Variants in PIK3CG observed in about 807,000 individuals in gnomAD.
PIK3CG encodes the protein phosphatidylinositol-4,5-bisphosphate 3-kinase catalytic subunit gamma, also known as phosphatidylinositol 4,5-bisphosphate 3-kinase catalytic subunit gamma isoform.
Under a neutral mutation model 102.3 loss-of-function variants are expected in PIK3CG, and 55 were observed. That is an observed-to-expected ratio of 0.54 (90% CI 0.43 to 0.67). The LOEUF is 0.67. Ranked by LOEUF, PIK3CG falls within the 30% of genes least tolerant of loss-of-function variation. The pLI is 0.00. For missense variants in PIK3CG, 1,258 were observed against 1,391.8 expected (o/e 0.90, Z 1.53); for synonymous variants, 552 against 540.0 (o/e 1.02, Z -0.31).
In PIK3CG at chr7:106,902,214, C is replaced by G. The variant is rs1791575677; in HGVS notation, c.3031-2895C>G. 1.3e-5 allele frequency among the ~76,000 whole-genome samples: 2 copies of G among 151,370 alleles called. No homozygotes were observed. Among genetic ancestry groups the G allele is most frequent in the South Asian group, 4.2e-4 (2 of 4,764 alleles). ...GTGCAAGCAGCCCAGGATGGAGAGT[C>G]TGTGCTGTGGGCCCAAGCCAGGGGT... On this transcript the variant is annotated intron_variant, in intron 10 of 10. Transcript: ENST00000496166. The surrounding 1 kb of genome is among the most constrained non-coding windows in gnomAD (Gnocchi z 4.3).
Position 106,867,443 on chromosome 7 carries a change from C to T in PIK3CG, c.-12-107C>T. 3.0e-6 allele frequency: 3 copies of T among 1,006,100 alleles called. No individual in the cohort carries two copies. The highest frequency in any genetic ancestry group is 4.4e-6 in the Non-Finnish European group (3 of 675,198). 62.3% of individuals were successfully genotyped at this position (1,006,100 alleles called of 1,614,324 possible). ...TTAAAATACTTGGTCCCTCTGGGTC[C>T]CTGTGCACATGTACGCCGCCTATAC... On this transcript the variant is annotated intron_variant, in intron 1 of 10. Coordinates refer to ENST00000496166, the MANE Select transcript of PIK3CG (RefSeq NM_001282426.2). The surrounding 1 kb of genome is among the most constrained non-coding windows in gnomAD (Gnocchi z 5.1).
chr7:106,902,945 A>C lies in PIK3CG; in HGVS notation c.3031-2164A>C, dbSNP rs1312653566. On this transcript the variant is annotated intron_variant, in intron 10 of 10. Coordinates refer to ENST00000496166, the MANE Select transcript of PIK3CG (RefSeq NM_001282426.2). The surrounding 1 kb of genome is among the most constrained non-coding windows in gnomAD (Gnocchi z 4.3). Reference sequence around the variant, plus strand: ...GATTATTTAAATGTTTTCCCTTTTTAAATTTAATTCATCTGGAATTTATTT... The same window carrying C: ...GATTATTTAAATGTTTTCCCTTTTTCAATTTAATTCATCTGGAATTTATTT... 6.6e-6 allele frequency among the ~76,000 whole-genome samples: 1 copy of C among 152,112 alleles called. No individual in the cohort carries two copies. The highest frequency in any genetic ancestry group is 1.9e-4 in the East Asian group (1 of 5,202).
intron 10 of PIK3CG, among the ~76,000 whole-genome samples, chr7:106,889,886 C>A (rs961602683): frequency 6.6e-6 from 1 of 152,168 alleles, no homozygotes; most frequent in Non-Finnish European, 1.5e-5. Flanking sequence ...CAAGGCCCAG[C>A]GTTTGAACCC....
Position 106,908,420 on chromosome 7 carries a change from G to C in PIK3CG, c.*3033G>C, listed in dbSNP as rs780887852. 1.3e-5 allele frequency among the ~76,000 whole-genome samples: 2 copies of C among 152,068 alleles called. No homozygotes were observed. On this transcript the variant is annotated 3_prime_UTR_variant, in exon 11 of 11. Transcript: ENST00000496166. This position sits in a 1 kb window ranked among gnomAD's most constrained non-coding sequence, Gnocchi z 4.1. ...CAAATCGAAATACCTCATCTCTATG[G>C]CTCTATGGCTGTACATTAGGACCTA...
At position 106,867,706 on chromosome 7, in the gene PIK3CG, C is replaced by A. The variant is rs774060880; in HGVS notation, c.145C>A (p.Arg49Ser). Residue 49 changes from arginine to serine, a missense_variant, in exon 2 of 11, where the codon CGC becomes AGC. Physicochemically the swap from Arg to Ser is moderately radical, Grantham distance 110 (BLOSUM62 -1). This residue lies in a region of PIK3CG where 832 missense variants were observed against 787.5 expected (regional missense o/e 1.06). Coordinates refer to ENST00000496166, the MANE Select transcript of PIK3CG (RefSeq NM_001282426.2). This position sits in a 1 kb window ranked among gnomAD's most constrained non-coding sequence, Gnocchi z 5.1. ...PIEFVLPTSQ[R>S]KCKSPETALL... Reference sequence around the variant, plus strand: ...CGAGTTCGTGCTGCCCACCAGCCAGCGCAAATGCAAGAGCCCCGAAACGGC... The same window carrying A: ...CGAGTTCGTGCTGCCCACCAGCCAGAGCAAATGCAAGAGCCCCGAAACGGC... 2.0e-5 allele frequency: 32 copies of A among 1,613,090 alleles called. No individual in the cohort carries two copies. The Middle Eastern group carries it at 2.5e-3, about 124-fold the overall frequency.
rs978569173 is a variant in PIK3CG at position 106,908,306 on chromosome 7, A to T, written c.*2919A>T. Among the ~76,000 whole-genome samples the T allele has an allele frequency of 3.3e-5, 5 of 152,180 alleles. No individual in the cohort carries two copies. Among genetic ancestry groups the T allele is most frequent in the African/African-American group, 1.2e-4 (5 of 41,440 alleles). ...GACCAGCACTGTGTGGGTCTGAATG[A>T]TGGCTTTGGTGTTCAGTTTAGCACA... On this transcript the variant is annotated 3_prime_UTR_variant, in exon 11 of 11. Transcript: ENST00000496166. The surrounding 1 kb of genome is among the most constrained non-coding windows in gnomAD (Gnocchi z 4.1).
chr7:106,867,929 G>A lies in PIK3CG; in HGVS notation c.368G>A (p.Arg123His), dbSNP rs200423506. The stretch of plus-strand genomic sequence containing the variant: ...GTGGTGCAGACTCTGGACTGCCTGC[G>A]CTACTGGAAGGCCACGCACCGGAGC... ...YQVVQTLDCL[R>H]YWKATHRSPG... The change falls in exon 2 of 11, where the codon CGC becomes CAC. Residue 123 changes from arginine to histidine, a missense_variant. Around this residue, in one of 2 missense-constraint regions of PIK3CG, gnomAD observed 832 missense variants for 787.5 expected, o/e 1.06. Transcript: ENST00000496166. The surrounding 1 kb of genome is among the most constrained non-coding windows in gnomAD (Gnocchi z 5.1). 9.8e-5 allele frequency: 158 copies of A among 1,613,154 alleles called. 1 individual carries two copies. The highest frequency in any genetic ancestry group is 1.2e-4 in the Non-Finnish European group (137 of 1,179,976).
Position 106,902,633 on chromosome 7 carries a change from T to G in PIK3CG, c.3031-2476T>G, listed in dbSNP as rs1442238076. Among the ~76,000 whole-genome samples the G allele has an allele frequency of 6.6e-6, 1 of 152,016 alleles. No homozygotes were observed. Among genetic ancestry groups the G allele is most frequent in the Non-Finnish European group, 1.5e-5 (1 of 68,014 alleles). ...TATTAATGAAGTTGCATTTTTTTTGTAGGTTTATCTGTTTTTATGTCTTAC... is the reference window on the plus strand; with the variant it reads ...TATTAATGAAGTTGCATTTTTTTTGGAGGTTTATCTGTTTTTATGTCTTAC... On this transcript the variant is annotated intron_variant, in intron 10 of 10. Transcript: ENST00000496166. The surrounding 1 kb of genome is among the most constrained non-coding windows in gnomAD (Gnocchi z 4.3).
rs749091335 is a variant in PIK3CG, at chr7:106,872,692, C to T, written c.2062-21C>T. On this transcript the variant is annotated intron_variant, in intron 3 of 10. Transcript: ENST00000496166. This position sits in a 1 kb window ranked among gnomAD's most constrained non-coding sequence, Gnocchi z 5.3. Reference sequence around the variant, plus strand: ...AAAGCATTAGTCATAATAATTTCAACTTTCTTGTACCTGCCCTCAGAACAA... The same window carrying T: ...AAAGCATTAGTCATAATAATTTCAATTTTCTTGTACCTGCCCTCAGAACAA... 49 of 1,608,050 alleles carry T rather than the reference C, an allele frequency of 3.0e-5. No individual in the cohort carries two copies. The highest frequency in any genetic ancestry group is 4.1e-5 in the Non-Finnish European group (48 of 1,174,698).
At chr7:106,878,542 C>A (rs527465944) in intron 5 of PIK3CG, among the ~76,000 whole-genome samples, 8 of 152,248 alleles carry the variant, frequency 5.3e-5, no homozygotes, top group African/African-American at 1.9e-4. Flanking sequence ...TAGAAACAGC[C>A]CCCAGGCAGT....
rs2116444569 is a variant in PIK3CG at position 106,868,593 on chromosome 7, G to A, written c.1032G>A (p.Lys344=). The A allele has an allele frequency of 6.2e-7, 1 of 1,614,218 alleles. No homozygotes were observed. The highest frequency in any genetic ancestry group is 8.5e-7 in the Non-Finnish European group (1 of 1,180,048). Reference sequence around the variant, plus strand: ...ATGAGCAGCTTACCATCCACGGCAAGGACCACGAGAGTGTGTTCACCGTGT... The same window carrying A: ...ATGAGCAGCTTACCATCCACGGCAAAGACCACGAGAGTGTGTTCACCGTGT... ...GYHEQLTIHG[K]DHESVFTVSL... is the part of the protein sequence containing the mutation. The change falls in exon 2 of 11, where the codon AAG becomes AAA. Residue 344 remains lysine (K), a synonymous_variant. Transcript: ENST00000496166. This position sits in a 1 kb window ranked among gnomAD's most constrained non-coding sequence, Gnocchi z 6.2.
rs749714535 is a variant in PIK3CG at position 106,869,138 on chromosome 7, C to T, written c.1577C>T (p.Pro526Leu). Residue 526 changes from proline (P) to leucine (L), a missense_variant, in exon 2 of 11, where the codon CCG becomes CTG. Physicochemically the swap from Pro to Leu is moderately conservative, Grantham distance 98. Around this residue, in one of 2 missense-constraint regions of PIK3CG, gnomAD observed 832 missense variants for 787.5 expected, o/e 1.06. Coordinates refer to ENST00000496166, the MANE Select transcript of PIK3CG (RefSeq NM_001282426.2). The surrounding 1 kb of genome is among the most constrained non-coding windows in gnomAD (Gnocchi z 5.3). ...ISILLDNYCH[P>L]IALPKHQPTP... is the part of the protein sequence containing the mutation. The stretch of plus-strand genomic sequence containing the variant: ...ATTCTTCTGGACAATTACTGCCACC[C>T]GATAGCCCTGCCTAAGCATCAGCCC... The T allele has an allele frequency of 8.1e-6, 13 of 1,614,054 alleles. No homozygotes were observed. The highest frequency in any genetic ancestry group is 8.0e-5 in the African/African-American group (6 of 74,910).
chr7:106,883,949 T>C lies in PIK3CG; in HGVS notation c.2761-206T>C, dbSNP rs1402503616. Among the ~76,000 whole-genome samples the C allele has an allele frequency of 6.6e-6, 1 of 152,220 alleles. No homozygotes were observed. The highest frequency in any genetic ancestry group is 2.4e-5 in the African/African-American group (1 of 41,460). On this transcript the variant is annotated intron_variant, in intron 8 of 10. Coordinates refer to ENST00000496166, the MANE Select transcript of PIK3CG (RefSeq NM_001282426.2). The surrounding 1 kb of genome is among the most constrained non-coding windows in gnomAD (Gnocchi z 5.8). ...TGACTCTTGTTTCTTCCTCATGCCA[T>C]TGTGATTCACTGAATCTTCACCTAA...
rs1414286397 is a variant in PIK3CG, at chr7:106,903,461, AT to A, written c.3031-1642del. Among the ~76,000 whole-genome samples, 2 of 151,998 alleles carry A rather than the reference AT, an allele frequency of 1.3e-5. No individual in the cohort carries two copies. The highest frequency in any genetic ancestry group is 6.5e-5 in the Admixed American group (1 of 15,286). On this transcript the variant is annotated intron_variant, in intron 10 of 10. Transcript: ENST00000496166. This position sits in a 1 kb window ranked among gnomAD's most constrained non-coding sequence, Gnocchi z 4.3. ...GCTCTTCAGAGATTAAAGTTTTATA[AT>A]TTTTTAAGAGTATAAAAATTATAAA...
chr7:106,888,036 G>A (rs982918215), intron 10 of PIK3CG, among the ~76,000 whole-genome samples: 2 of 146,384 alleles, frequency 1.4e-5, no homozygotes, highest in Admixed American at 7.1e-5. Flanking sequence ...CACCTCCCAG[G>A]TTCAAGCAAT....
chr7:106,882,179 T>G lies in PIK3CG; in HGVS notation c.2601T>G (p.Tyr867Ter). 6.3e-7 allele frequency: 1 copy of G among 1,579,594 alleles called. No individual in the cohort carries two copies. The highest frequency in any genetic ancestry group is 8.6e-7 in the Non-Finnish European group (1 of 1,162,206). ...TESLDLCLLP[Y>*]GCISTGDKIG... The stretch of plus-strand genomic sequence containing the variant: ...CTTTGGATCTATGCCTCCTGCCATA[T>G]GGTTGCATTTCAACTGGTGACAAAA... The change falls in exon 7 of 11, where the codon TAT (tyrosine) becomes TAG (stop). Residue 867 changes from tyrosine to a stop codon, truncating the protein, a stop_gained. Coordinates refer to ENST00000496166, the MANE Select transcript of PIK3CG (RefSeq NM_001282426.2). LOFTEE classifies it high-confidence loss of function.
Position 106,902,640 on chromosome 7 carries a change from A to G in PIK3CG, c.3031-2469A>G, listed in dbSNP as rs111510270. Among the ~76,000 whole-genome samples, 2,063 of 149,314 alleles carry G rather than the reference A, an allele frequency of 0.014. 55 individuals are homozygous for G. Among genetic ancestry groups the G allele is most frequent in the African/African-American group, 0.048 (1,955 of 40,834 alleles). On this transcript the variant is annotated intron_variant, in intron 10 of 10. Coordinates refer to ENST00000496166, the MANE Select transcript of PIK3CG (RefSeq NM_001282426.2). The surrounding 1 kb of genome is among the most constrained non-coding windows in gnomAD (Gnocchi z 4.3). The stretch of plus-strand genomic sequence containing the variant: ...GAAGTTGCATTTTTTTTGTAGGTTT[A>G]TCTGTTTTTATGTCTTACAGTGTGA...
At chr7:106,885,340 A>C (rs979371625) in intron 9 of PIK3CG, among the ~76,000 whole-genome samples, 3 of 152,160 alleles carry the variant, frequency 2.0e-5, no homozygotes, top group Non-Finnish European at 4.4e-5. Context: ...CAGAGAAAGA[A>C]CAGAAAGAAC....
chr7:106,899,879 T>C lies in PIK3CG; in HGVS notation c.3031-5230T>C, dbSNP rs1391751993. Among the ~76,000 whole-genome samples the C allele has an allele frequency of 6.6e-6, 1 of 152,114 alleles. No homozygotes were observed. Among genetic ancestry groups the C allele is most frequent in the Non-Finnish European group, 1.5e-5 (1 of 68,004 alleles). On this transcript the variant is annotated intron_variant, in intron 10 of 10. Coordinates refer to ENST00000496166, the MANE Select transcript of PIK3CG (RefSeq NM_001282426.2). This position sits in a 1 kb window ranked among gnomAD's most constrained non-coding sequence, Gnocchi z 4.6. Reference sequence around the variant, plus strand: ...GATGATGCTGCTCTCATAGAACGAGTTGGGGAGGAGTCCCTCCTCAATTTT... The same window carrying C: ...GATGATGCTGCTCTCATAGAACGAGCTGGGGAGGAGTCCCTCCTCAATTTT...
Sources: allele counts gnomAD v4.1 joint callset (sites outside exome capture counted in the v4.1 genomes callset), GRCh38; gene constraint gnomAD v4.1.1; regional missense constraint gnomAD v4.1.1; non-coding constraint Gnocchi (gnomAD v3.1); transcripts MANE v1.5; gene names NCBI Gene and HGNC (gene_info 2026-07-23, HGNC 2026-07-21).